Variants in TMEM35B observed in about 807,000 individuals in gnomAD.
TMEM35B encodes the protein transmembrane protein 35B, also known as ZMYM6 neighbor protein.
In TMEM35B, 6 loss-of-function variants were observed where a neutral mutation model predicts 8.7. That is an observed-to-expected ratio of 0.69 (90% CI 0.38 to 1.36). The LOEUF is 1.36. Ranked by LOEUF, TMEM35B falls within the 40% of genes most tolerant of loss-of-function variation. The probability of loss-of-function intolerance (pLI) is 0.02; values close to 1 mark genes in which losing one functional copy is unlikely to be tolerated. For missense variants in TMEM35B, 176 were observed against 181.6 expected, an observed-to-expected ratio of 0.97 and a Z score of 0.18; for synonymous variants, 89 against 87.0, an observed-to-expected ratio of 1.02 and a Z score of -0.13.
chr1:34,981,778 C>T (rs183948767), exon 3 of TMEM35B: 2 of 531,092 alleles, frequency 3.8e-6, no homozygotes, highest in Admixed American at 7.9e-5. Flanking sequence ...ATGTACTCCT[C>T]ACAAAAGAGT....
chr1:34,983,621 G>A (rs955407719), intron 2 of TMEM35B, 146 bp downstream of exon 2: 17 of 281,144 alleles, frequency 6.0e-5, no homozygotes, highest in Admixed American at 5.1e-4. Flanking sequence ...GTGCTAGTTT[G>A]AAGACCATGG....
At chr1:34,985,132 G>A (rs964615924) in intron 1 of TMEM35B, 66 bp downstream of exon 1, 3 of 1,279,624 alleles carry the variant, frequency 2.3e-6, no homozygotes, top group Middle Eastern at 5.0e-4. Flanking sequence ...CCGGGGGCGA[G>A]GAGCGGCAGG....
chr1:34,984,294 G>T (rs991201174), intron 1 of TMEM35B, among the ~76,000 whole-genome samples: 6 of 152,200 alleles, frequency 3.9e-5, no homozygotes, highest in African/African-American at 1.4e-4. Context: ...CTTTGTGTCT[G>T]GCCTGGTTTC....
chr1:34,985,157 G>T, intron 1 of TMEM35B, 41 bp downstream of exon 1: 1 of 1,474,636 alleles, frequency 6.8e-7, no homozygotes, highest in Non-Finnish European at 9.1e-7. Flanking sequence ...AGCACACGCC[G>T]CCGCGGGCCC....
At chr1:34,983,188 T>C (rs1167459146) in intron 2 of TMEM35B, among the ~76,000 whole-genome samples, 1 of 152,172 alleles carries the variant, frequency 6.6e-6, no homozygotes, top group Non-Finnish European at 1.5e-5. Flanking sequence ...GAGCTTGCAA[T>C]ATATCTTCAC....
rs2148439096 is a variant in TMEM35B at position 34,985,192 on chromosome 1, G to T, written c.108+6C>A. 5.2e-6 allele frequency: 8 copies of T among 1,530,258 alleles called. No homozygotes were observed. In the Middle Eastern group the frequency reaches 1.4e-3, roughly 266 times the overall value. 94.8% of individuals were successfully genotyped at this position (1,530,258 alleles called of 1,614,324 possible). ...CGATCCCCTGCCGCCCGCCCGCGCC[G>T]CTCACCATCCGCTCCGAAACTGGAG... On this transcript the variant is annotated splice_donor_region_variant and intron_variant, in intron 1 of 2. Coordinates refer to ENST00000373337, the Ensembl canonical transcript of TMEM35B.
At chr1:34,985,120 G>T in intron 1 of TMEM35B, 78 bp downstream of exon 1, 1 of 1,187,574 alleles carries the variant, frequency 8.4e-7, no homozygotes, top group Non-Finnish European at 1.1e-6. Flanking sequence ...CGGCCTGCCG[G>T]GCCGGGGGCG....
At chr1:34,984,553 A>G (rs1003575878) in intron 1 of TMEM35B, among the ~76,000 whole-genome samples, 1 of 152,170 alleles carries the variant, frequency 6.6e-6, no homozygotes, top group Non-Finnish European at 1.5e-5. Flanking sequence ...GCAGAGGTCT[A>G]CAAGTCTGGC....
At chr1:34,982,439 C>T (rs1301671110) in intron 2 of TMEM35B, among the ~76,000 whole-genome samples, 1 of 150,946 alleles carries the variant, frequency 6.6e-6, no homozygotes, top group Non-Finnish European at 1.5e-5. Context: ...AAAAAATCTC[C>T]CTGATCCTTC....
At chr1:34,983,706 A>G in intron 2 of TMEM35B, 61 bp downstream of exon 2, 1 of 1,348,968 alleles carries the variant, frequency 7.4e-7, no homozygotes, top group Non-Finnish European at 9.7e-7. Context: ...GGGAACAGCC[A>G]GGTCTTTCCA....
exon 3 of TMEM35B, chr1:34,981,981 T>C (rs1310603698): frequency 2.5e-5 from 38 of 1,549,328 alleles, no homozygotes; most frequent in Non-Finnish European, 3.3e-5. Flanking sequence ...TAGAGTCTTC[T>C]TCCTAGTGGG....
intron 1 of TMEM35B, 54 bp downstream of exon 1, chr1:34,985,144 C>T: frequency 2.8e-6 from 4 of 1,404,804 alleles, no homozygotes; most frequent in South Asian, 1.3e-5. Context: ...AGCGGCAGGG[C>T]GGAGCACACG....
At chr1:34,981,720 G>T in exon 3 of TMEM35B, 2 of 289,474 alleles carry the variant, frequency 6.9e-6, no homozygotes. Context: ...TTTCTTTTCT[G>T]CTTATTTTGT....
exon 2 of TMEM35B, chr1:34,983,883 G>A: frequency 1.3e-6 from 2 of 1,544,474 alleles, no homozygotes; most frequent in East Asian, 2.5e-5. Context: ...GTAGTTCAGG[G>A]GATCTGGCTG....
At position 34,983,578 on chromosome 1, in the gene TMEM35B, CAAAAAA is replaced by C. The variant is rs1163962621; in HGVS notation, c.289+183_289+188del. The stretch of plus-strand genomic sequence containing the variant: ...TGGGCGAAAGAGCGAGACTCCATCT[CAAAAAA>C]AAAAAAAAAAAAAAAAAAAAATACC... On this transcript the variant is annotated intron_variant, in intron 2 of 2. Transcript: ENST00000373337. Among the ~76,000 whole-genome samples, 98 of 23,212 alleles carry C rather than the reference CAAAAAA, an allele frequency of 4.2e-3. 1 individual carries two copies. The highest frequency in any genetic ancestry group is 6.2e-3 in the Non-Finnish European group (64 of 10,362). The allele number at this position is 23,212 out of a possible 152,430, so 15.2% of individuals were successfully genotyped here. A position where few individuals can be genotyped will look rare whatever the true frequency, so the allele number is the denominator to read the frequency against.
intron 2 of TMEM35B, among the ~76,000 whole-genome samples, chr1:34,982,878 A>C (rs1049949394): frequency 6.6e-6 from 1 of 152,194 alleles, no homozygotes; most frequent in Non-Finnish European, 1.5e-5. Flanking sequence ...AAATGGGAGA[A>C]GCTCCAGAGA....
exon 3 of TMEM35B, chr1:34,982,099 C>G: frequency 6.5e-7 from 1 of 1,546,918 alleles, no homozygotes; most frequent in East Asian, 2.4e-5. Flanking sequence ...TCTTTCAGAG[C>G]TGCCAAGGTG....
Position 34,985,180 on chromosome 1 carries a change from C to A in TMEM35B, c.108+18G>T, listed in dbSNP as rs1184026402. The A allele has an allele frequency of 1.2e-5, 19 of 1,526,022 alleles. No individual in the cohort carries two copies. The highest frequency in any genetic ancestry group is 1.3e-5 in the Non-Finnish European group (15 of 1,137,424). The allele number at this position is 1,526,022 out of a possible 1,614,324, so 94.5% of individuals were successfully genotyped here. On this transcript the variant is annotated intron_variant, in intron 1 of 2. Coordinates refer to ENST00000373337, the Ensembl canonical transcript of TMEM35B. ...CCGCCGCGGGCCCGATCCCCTGCCG[C>A]CCGCCCGCGCCGCTCACCATCCGCT...
In TMEM35B at chr1:34,981,986, A is replaced by G. The variant is rs973773182; in HGVS notation, c.423T>C (p.Thr141=). ...TGAATGTACTTAGAGTCTTCTTCCT[A>G]GTGGGTCTGACCACCTTCTTAGTCT... Residue 141 remains threonine, a synonymous_variant, in exon 3 of 3, where the codon ACT becomes ACC. Coordinates refer to ENST00000373337, the Ensembl canonical transcript of TMEM35B. 2.0e-5 allele frequency: 31 copies of G among 1,549,736 alleles called. No homozygotes were observed. In the African/African-American group the frequency reaches 3.8e-4, roughly 19 times the overall value.
Sources: allele counts gnomAD v4.1 joint callset (sites outside exome capture counted in the v4.1 genomes callset), GRCh38; gene constraint gnomAD v4.1.1; transcripts MANE v1.5; gene names NCBI Gene and HGNC (gene_info 2026-07-23, HGNC 2026-07-21).